The following CD80 variants were observed in gnomAD, a reference collection of about 807,000 sequenced individuals.
The protein encoded by CD80 is CD80 molecule, also known as T-lymphocyte activation antigen CD80.
Under a neutral mutation model 27.1 loss-of-function variants are expected in CD80, and 13 were observed. That is an observed-to-expected ratio of 0.48 (90% CI 0.31 to 0.76). The LOEUF (loss-of-function observed/expected upper bound fraction) is 0.76, where lower values mean the gene tolerates loss of function less well. Among genes scored for constraint, CD80 ranks in the 30% least tolerant of loss-of-function variants. The probability of loss-of-function intolerance (pLI) is 0.04; values close to 1 mark genes in which losing one functional copy is unlikely to be tolerated. For synonymous variants in CD80, 125 were observed against 125.5 expected, an observed-to-expected ratio of 1.00 and a Z score of 0.03; for missense variants, 277 against 347.9, an observed-to-expected ratio of 0.80 and a Z score of 1.62.
intron 2 of CD80, among the ~76,000 whole-genome samples, chr3:119,551,724 T>C (rs2082233341): frequency 6.6e-6 from 1 of 152,224 alleles, no homozygotes; most frequent in Non-Finnish European, 1.5e-5. Context: ...ATCACAGCGA[T>C]CACAGGATAC....
rs1338224665 is a variant in CD80 at position 119,527,722 on chromosome 3, A to G, written c.*38+11T>C. 6.8e-7 allele frequency: 1 copy of G among 1,476,500 alleles called. No individual in the cohort carries two copies. Among genetic ancestry groups the G allele is most frequent in the South Asian group, 1.1e-5 (1 of 88,010 alleles). The allele number at this position is 1,476,500 out of a possible 1,614,324, so 91.5% of individuals were successfully genotyped here. On this transcript the variant is annotated intron_variant, in intron 6 of 6. Coordinates refer to ENST00000264246, the MANE Select transcript of CD80 (RefSeq NM_005191.4). Reference sequence around the variant, plus strand: ...CGATCCATGTATCCCAGAAGAGATGACGGAGGCTACCTTCAGATCTTTTCA... The same window carrying G: ...CGATCCATGTATCCCAGAAGAGATGGCGGAGGCTACCTTCAGATCTTTTCA...
chr3:119,526,585 T>C (rs6775021), intron 6 of CD80, among the ~76,000 whole-genome samples: 22,744 of 152,088 alleles, frequency 0.15, 4,457 homozygotes, highest in African/African-American at 0.45. Context: ...GGTTTTATTC[T>C]TCATCTGTAT....
chr3:119,530,268 A>G (rs1411909126), intron 4 of CD80, among the ~76,000 whole-genome samples: 1 of 152,172 alleles, frequency 6.6e-6, no homozygotes, highest in Non-Finnish European at 1.5e-5. Flanking sequence ...ATGTGTTACT[A>G]CTAACTGGTT....
intron 2 of CD80, among the ~76,000 whole-genome samples, chr3:119,545,579 T>C (rs763973452): frequency 1.3e-5 from 2 of 152,166 alleles, no homozygotes; most frequent in African/African-American, 4.8e-5. Flanking sequence ...AAATATCTCA[T>C]AGAAATAGAA....
At chr3:119,556,742 G>C (rs906020172) in intron 2 of CD80, among the ~76,000 whole-genome samples, 24 of 152,052 alleles carry the variant, frequency 1.6e-4, no homozygotes, top group Non-Finnish European at 2.8e-4. Context: ...CTTAATAGTC[G>C]GGTCTTTGCA....
At chr3:119,542,940 A>T (rs1216037446) in intron 3 of CD80, among the ~76,000 whole-genome samples, 1 of 152,092 alleles carries the variant, frequency 6.6e-6, no homozygotes, top group African/African-American at 2.4e-5. Flanking sequence ...CCTGCACTTG[A>T]TGGATCAGCT....
intron 2 of CD80, among the ~76,000 whole-genome samples, chr3:119,552,168 A>T (rs984700162): frequency 1.3e-5 from 2 of 152,180 alleles, no homozygotes; most frequent in Admixed American, 6.5e-5. Flanking sequence ...TGCCAACAAG[A>T]GTAGAGACCA....
At chr3:119,540,392 A>G (rs1049900527) in intron 3 of CD80, among the ~76,000 whole-genome samples, 2 of 152,338 alleles carry the variant, frequency 1.3e-5, no homozygotes, top group Admixed American at 1.3e-4. Flanking sequence ...ATGACAAATG[A>G]TGATAATTGC....
chr3:119,531,649 T>TTTTATTTATTTATTTA lies in CD80; in HGVS notation c.701-1728_701-1713dup, dbSNP rs145319833. On this transcript the variant is annotated intron_variant, in intron 4 of 6. Transcript: ENST00000264246. The stretch of plus-strand genomic sequence containing the variant: ...TCTGATTACCAAACCCAGTGGTAAG[T>TTTTATTTATTTATTTA]TTTATTTATTTATTTATTTATTTAT... Among the ~76,000 whole-genome samples, 598 of 149,180 alleles carry TTTTATTTATTTATTTA rather than the reference T, an allele frequency of 4.0e-3. 3 individuals carry two copies. Among genetic ancestry groups the TTTTATTTATTTATTTA allele is most frequent in the African/African-American group, 0.011 (456 of 40,760 alleles).
chr3:119,544,914 A>G, intron 2 of CD80, 47 bp from the exon 3 acceptor site: 1 of 1,486,624 alleles, frequency 6.7e-7, no homozygotes, highest in Non-Finnish European at 9.2e-7. Context: ...TTAAATACAG[A>G]TTCCTGCATG....
intron 5 of CD80, among the ~76,000 whole-genome samples, chr3:119,529,186 G>A (rs2082096470): frequency 6.6e-6 from 1 of 152,094 alleles, no homozygotes; most frequent in Non-Finnish European, 1.5e-5. Flanking sequence ...CTGACCTTAA[G>A]TGATCCACCT....
chr3:119,541,433 C>G (rs1232948064), intron 3 of CD80, among the ~76,000 whole-genome samples: 1 of 152,110 alleles, frequency 6.6e-6, no homozygotes. Flanking sequence ...ATAGGGTAAC[C>G]AACGTGTCCT....
chr3:119,545,091 C>A (rs879769297), intron 2 of CD80, among the ~76,000 whole-genome samples: 1 of 152,176 alleles, frequency 6.6e-6, no homozygotes, highest in Non-Finnish European at 1.5e-5. Context: ...CGCCTGTAAT[C>A]CCAGCACTTT....
chr3:119,527,550 A>T, intron 6 of CD80, 183 bp downstream of exon 6: 2 of 502,934 alleles, frequency 4.0e-6, no homozygotes, highest in Non-Finnish European at 7.0e-6. Context: ...AAGAGGTTAC[A>T]TTAAGCAAAT....
intron 2 of CD80, among the ~76,000 whole-genome samples, chr3:119,554,738 A>C (rs941197046): frequency 6.6e-6 from 1 of 151,718 alleles, no homozygotes; most frequent in South Asian, 2.1e-4. Context: ...ACTGAATCTC[A>C]CCTCCCACAG....
chr3:119,550,094 G>T (rs2082223363), intron 2 of CD80, among the ~76,000 whole-genome samples: 1 of 152,326 alleles, frequency 6.6e-6, no homozygotes, highest in Admixed American at 6.5e-5. Flanking sequence ...CAGGTCTTCT[G>T]TAAGAGTTTC....
At position 119,544,656 on chromosome 3, in the gene CD80, C is replaced by G; in HGVS notation, c.312G>C (p.Leu104=). The G allele has an allele frequency of 6.2e-7, 1 of 1,614,194 alleles. No homozygotes were observed. The highest frequency in any genetic ancestry group is 8.5e-7 in the Non-Finnish European group (1 of 1,180,026). The change falls in exon 3 of 7, where the codon CTG becomes CTC. Residue 104 remains leucine (L), a synonymous_variant. Coordinates refer to ENST00000264246, the MANE Select transcript of CD80 (RefSeq NM_005191.4). ...DITNNLSIVI[L]ALRPSDEGTY... is the part of the protein sequence containing the mutation. ...TGCCCTCGTCAGATGGGCGCAGAGC[C>G]AGGATCACAATGGAGAGGTTATTAG...
At chr3:119,559,262 C>T (rs1281925151) in intron 1 of CD80, among the ~76,000 whole-genome samples, 178 bp downstream of exon 1, 2 of 152,112 alleles carry the variant, frequency 1.3e-5, no homozygotes, top group East Asian at 1.9e-4. Flanking sequence ...CTATGATGCT[C>T]CAAATATGTC....
At chr3:119,552,400 C>G (rs907371915) in intron 2 of CD80, among the ~76,000 whole-genome samples, 7 of 151,484 alleles carry the variant, frequency 4.6e-5, no homozygotes, top group African/African-American at 1.7e-4. Flanking sequence ...GTAGTCCCAG[C>G]TACTCGGGAG....
Sources: gnomAD v4.1 joint callset for allele counts (sites outside exome capture counted in the v4.1 genomes callset) on GRCh38, gnomAD v4.1.1 for gene constraint, MANE v1.5 for transcripts, NCBI Gene and HGNC (gene_info 2026-07-23, HGNC 2026-07-21) for gene names.